Variants in EEF1D observed in about 807,000 individuals in gnomAD.
The protein encoded by EEF1D is eukaryotic translation elongation factor 1 delta.
EEF1D carries 47 observed loss-of-function variants against 63.9 expected under a neutral mutation model. That is an observed-to-expected ratio of 0.74 (90% confidence interval 0.58 to 0.94). EEF1D has a LOEUF of 0.94. EEF1D is among the 40% of genes least tolerant of loss of function. The pLI is 0.00. For missense variants in EEF1D, 907 were observed against 899.0 expected (o/e 1.01, Z -0.11); for synonymous variants, 412 against 386.1 (o/e 1.07, Z -0.79).
chr8:143,588,115 G>T (rs1043958006), intron 3 of EEF1D, among the ~76,000 whole-genome samples: 2 of 152,128 alleles, frequency 1.3e-5, no homozygotes, highest in Non-Finnish European at 2.9e-5. Flanking sequence ...CAGGTGGAAG[G>T]GCAGGAGGTA....
rs760596856 is a variant in EEF1D, at chr8:143,589,959, C to T, written c.123G>A (p.Gln41=). Residue 41 remains glutamine, a synonymous_variant, in exon 3 of 10, where the codon CAG becomes CAA. Transcript: ENST00000618139. ...TCATGGCTGGCCCCTCGGCTGGCAG[C>T]TGCTGGGCGGAGGCGGCCGCCTGTG... The part of the protein sequence containing the change: ...EATQAAASAQ[Q]LPAEGPAMNG... 6.3e-7 allele frequency: 1 copy of T among 1,598,858 alleles called. No homozygotes were observed. Among genetic ancestry groups the T allele is most frequent in the East Asian group, 2.2e-5 (1 of 44,850 alleles).
intron 7 of EEF1D, 139 bp downstream of exon 7, chr8:143,580,915 A>T: frequency 8.5e-7 from 1 of 1,182,190 alleles, no homozygotes; most frequent in Admixed American, 2.0e-5. Context: ...GGCTAACTGT[A>T]AACCTTCCTG....
At chr8:143,580,861 A>G (rs1404469923) in intron 7 of EEF1D, 134 bp from the exon 8 acceptor site, 6 of 1,193,300 alleles carry the variant, frequency 5.0e-6, no homozygotes, top group Non-Finnish European at 7.2e-6. Context: ...AGCTGTGTAC[A>G]TGCAGGGCCC....
At chr8:143,582,191 T>G (rs954628102) in intron 5 of EEF1D, 3 of 152,376 alleles carry the variant, frequency 2.0e-5, no homozygotes, top group African/African-American at 7.2e-5. Context: ...GGGGCCCTCC[T>G]GCCACCGTCC....
intron 2 of EEF1D, 41 bp from the exon 3 acceptor site, chr8:143,590,122 T>C: frequency 6.3e-7 from 1 of 1,598,068 alleles, no homozygotes; most frequent in Non-Finnish European, 8.5e-7. Flanking sequence ...AGGGCAGAGT[T>C]GCAACACAGC....
At chr8:143,586,492 G>A (rs568319812) in intron 4 of EEF1D, among the ~76,000 whole-genome samples, 2 of 152,232 alleles carry the variant, frequency 1.3e-5, no homozygotes, top group Admixed American at 1.3e-4. Flanking sequence ...GCGGGGGAAG[G>A]AGTGCCAGGC....
At chr8:143,580,935 G>C in intron 7 of EEF1D, 119 bp downstream of exon 7, 4 of 1,260,396 alleles carry the variant, frequency 3.2e-6, no homozygotes, top group Middle Eastern at 2.7e-4. Context: ...GGGGACCTGA[G>C]GACTCCAGTA....
intron 1 of EEF1D, among the ~76,000 whole-genome samples, chr8:143,595,608 C>T (rs533827913): frequency 1.3e-5 from 2 of 152,346 alleles, no homozygotes; most frequent in South Asian, 4.1e-4. Flanking sequence ...AAACGCCAGC[C>T]TGTCCTGCAT....
At chr8:143,593,677 G>T (rs1316661961) in intron 1 of EEF1D, among the ~76,000 whole-genome samples, 1 of 152,144 alleles carries the variant, frequency 6.6e-6, no homozygotes, top group East Asian at 1.9e-4. Context: ...GATCTTGGGT[G>T]GGCTTCCCTG....
chr8:143,595,652 C>G (rs1350058744), intron 1 of EEF1D, among the ~76,000 whole-genome samples: 1 of 151,982 alleles, frequency 6.6e-6, no homozygotes, highest in Non-Finnish European at 1.5e-5. Flanking sequence ...ACCCAACCCA[C>G]CCTGCCCCAG....
Position 143,590,066 on chromosome 8 carries a change from C to T in EEF1D, c.16G>A (p.Ala6Thr). 1 of 1,598,600 alleles carries T rather than the reference C, an allele frequency of 6.3e-7. No individual in the cohort carries two copies. Among genetic ancestry groups the T allele is most frequent in the Non-Finnish European group, 8.5e-7 (1 of 1,179,860 alleles). The change falls in exon 3 of 10, where the codon GCC (alanine) becomes ACC (threonine). Residue 6 changes from alanine to threonine, a missense_variant. Transcript: ENST00000618139. MRSGK[A>T]SCTLETVWED... ...CACACGGTCTCCAGGGTGCAGGAGG[C>T]CTTCCCGCTCCTCATCTTCCGGACA...
chr8:143,593,306 C>T (rs1828280872), intron 1 of EEF1D, among the ~76,000 whole-genome samples: 1 of 152,218 alleles, frequency 6.6e-6, no homozygotes, highest in Admixed American at 6.5e-5. Context: ...AGGACCTCCA[C>T]CCAGTTCACT....
At chr8:143,593,445 C>A (rs1463837849) in intron 1 of EEF1D, among the ~76,000 whole-genome samples, 3 of 152,212 alleles carry the variant, frequency 2.0e-5, no homozygotes, top group African/African-American at 4.8e-5. Context: ...CTGGGTGGGA[C>A]TGGGCAGGAG....
chr8:143,584,700 T>C (rs1826223405), intron 5 of EEF1D, among the ~76,000 whole-genome samples: 1 of 52,498 alleles, frequency 1.9e-5, no homozygotes, highest in South Asian at 7.4e-4. Context: ...CGTCATCTTC[T>C]AGAACAACCT....
chr8:143,585,358 C>T lies in EEF1D; in HGVS notation c.1287+861G>A, dbSNP rs940604237. On this transcript the variant is annotated intron_variant, in intron 5 of 9. Coordinates refer to ENST00000618139, the MANE Select transcript of EEF1D (RefSeq NM_001130053.5). ...CTGCTGAGCACCTTGAAACAAGCAA[C>T]GTGGGCATCCACCAGAATCTGGGAG... Among the ~76,000 whole-genome samples the T allele has an allele frequency of 5.3e-5, 8 of 152,116 alleles. No homozygotes were observed. In the East Asian group the frequency reaches 1.2e-3, roughly 22 times the overall value.
At chr8:143,595,270 C>T (rs1436454999) in intron 1 of EEF1D, among the ~76,000 whole-genome samples, 1 of 152,152 alleles carries the variant, frequency 6.6e-6, no homozygotes, top group African/African-American at 2.4e-5. Flanking sequence ...GGGGTTTCAC[C>T]ATGTTTGCCA....
intron 2 of EEF1D, chr8:143,590,821 G>T (rs1366543587): frequency 2.0e-5 from 3 of 152,684 alleles, no homozygotes; most frequent in African/African-American, 7.2e-5. Context: ...GCAGGAGAAT[G>T]GCGTGAAGCC....
In EEF1D at chr8:143,589,575, G is replaced by A. The variant is rs1489469612; in HGVS notation, c.507C>T (p.Ser169=). The change falls in exon 3 of 10, where the codon TCC becomes TCT. Residue 169 remains serine, a synonymous_variant. Transcript: ENST00000618139. The part of the protein sequence containing the change: ...VTWGIWVNKS[S]FDQAERAFVE... The stretch of plus-strand genomic sequence containing the variant: ...CGAAGGCCCGCTCAGCCTGGTCGAA[G>A]GAGGACTTGTTGACCCAGATCCCCC... The A allele has an allele frequency of 4.6e-6, 7 of 1,518,074 alleles. No homozygotes were observed. The highest frequency in any genetic ancestry group is 4.4e-5 in the Admixed American group (2 of 45,068). The allele number at this position is 1,518,074 out of a possible 1,614,324, so 94.0% of individuals were successfully genotyped here.
At position 143,592,677 on chromosome 8, in the gene EEF1D, G is replaced by A; in HGVS notation, c.-14-17C>T. ...TTTGGCCTCCTAGGACAGCATGAAG[G>A]AAAAGCAGCAAGGTTAGAGGCAGCC... On this transcript the variant is annotated splice_polypyrimidine_tract_variant and intron_variant, in intron 1 of 9. Transcript: ENST00000618139. 5.1e-6 allele frequency: 5 copies of A among 985,638 alleles called. No homozygotes were observed. Among genetic ancestry groups the A allele is most frequent in the Non-Finnish European group, 6.0e-6 (5 of 830,062 alleles). 61.1% of individuals were successfully genotyped at this position (985,638 alleles called of 1,614,324 possible).
Sources: allele counts gnomAD v4.1 joint callset (sites outside exome capture counted in the v4.1 genomes callset), GRCh38; gene constraint gnomAD v4.1.1; transcripts MANE v1.5; gene names NCBI Gene and HGNC (gene_info 2026-07-23, HGNC 2026-07-21).